The following DIP2C variants were observed in gnomAD, a reference collection of about 807,000 sequenced individuals.
DIP2C encodes DIP2 acetate--CoA ligase C (putative).
A neutral mutation model predicts 192.4 loss-of-function variants in DIP2C; 33 were observed. The ratio of observed to expected loss-of-function variants is 0.17; its 90% confidence interval spans 0.13 to 0.23. The LOEUF (loss-of-function observed/expected upper bound fraction) is 0.23, where lower values mean the gene tolerates loss of function less well. DIP2C is among the 10% of genes least tolerant of loss of function. The probability of loss-of-function intolerance (pLI) is 1.00; values close to 1 mark genes in which losing one functional copy is unlikely to be tolerated. For synonymous variants in DIP2C, 979 were observed against 864.1 expected, an observed-to-expected ratio of 1.13 and a Z score of -2.33; for missense variants, 1,537 against 2,110.1, an observed-to-expected ratio of 0.73 and a Z score of 5.32.
At chr10:306,988 G>C (rs768952595) in intron 32 of DIP2C, among the ~76,000 whole-genome samples, 6 of 152,136 alleles carry the variant, frequency 3.9e-5, no homozygotes, top group Non-Finnish European at 7.4e-5. Context: ...GCCTTCCCTG[G>C]GGGTGAGCAG....
At chr10:609,246 A>C (rs529015249) in intron 1 of DIP2C, among the ~76,000 whole-genome samples, 1 of 152,328 alleles carries the variant, frequency 6.6e-6, no homozygotes, top group African/African-American at 2.4e-5. Flanking sequence ...GAACTTTCCA[A>C]AAGTAAATTC....
At chr10:571,101 C>A (rs145712202) in intron 1 of DIP2C, among the ~76,000 whole-genome samples, 415 of 152,354 alleles carry the variant, frequency 2.7e-3, no homozygotes, top group African/African-American at 9.5e-3. Context: ...TGGCCGACTG[C>A]TCTGTAGAAT....
At chr10:400,674 A>G (rs1421228194) in intron 9 of DIP2C, among the ~76,000 whole-genome samples, 2 of 151,588 alleles carry the variant, frequency 1.3e-5, no homozygotes, top group South Asian at 4.2e-4. Context: ...CCTTATGGAC[A>G]AGTTTGGTAT....
chr10:518,505 T>C (rs1846503855), intron 1 of DIP2C, among the ~76,000 whole-genome samples: 1 of 152,022 alleles, frequency 6.6e-6, no homozygotes, highest in Non-Finnish European at 1.5e-5. Flanking sequence ...AGGTGATGAG[T>C]TCCCGAAGCT....
chr10:442,863 T>G (rs988996754), intron 3 of DIP2C, among the ~76,000 whole-genome samples: 3 of 152,272 alleles, frequency 2.0e-5, no homozygotes, highest in African/African-American at 7.2e-5. Context: ...TCCTATTTTA[T>G]GATCCAATCC....
intron 10 of DIP2C, among the ~76,000 whole-genome samples, chr10:396,333 A>G (rs1377567980): frequency 6.6e-6 from 1 of 152,202 alleles, no homozygotes; most frequent in African/African-American, 2.4e-5. Flanking sequence ...GCACTCCAAC[A>G]TGCTCAGGAA....
At chr10:664,223 C>G (rs1408045054) in intron 1 of DIP2C, 2 of 152,172 alleles carry the variant, frequency 1.3e-5, no homozygotes, top group Non-Finnish European at 2.9e-5. Context: ...CAGAAACTCC[C>G]ATCTGCCTTT....
chr10:599,286 T>C (rs1436141651), intron 1 of DIP2C, among the ~76,000 whole-genome samples: 20 of 152,186 alleles, frequency 1.3e-4, no homozygotes, highest in Admixed American at 1.3e-3. Flanking sequence ...AGACACCCAT[T>C]TAAATACCCG....
intron 1 of DIP2C, among the ~76,000 whole-genome samples, chr10:580,184 CGTAGT>C (rs1388794305): frequency 3.9e-5 from 6 of 152,028 alleles, no homozygotes; most frequent in East Asian, 1.9e-4. Context: ...CCTACACATG[CGTAGT>C]GTATACATAT....
At chr10:673,687 TA>T (rs1354786328) in intron 1 of DIP2C, among the ~76,000 whole-genome samples, 1 of 152,202 alleles carries the variant, frequency 6.6e-6, no homozygotes, top group Non-Finnish European at 1.5e-5. Context: ...GAAACCTGTA[TA>T]ACGCCACCAG....
chr10:570,286 T>G (rs972218408), intron 1 of DIP2C, among the ~76,000 whole-genome samples: 140 of 152,280 alleles, frequency 9.2e-4, no homozygotes, highest in African/African-American at 3.0e-3. Flanking sequence ...GATTTTGTCG[T>G]GCCCATTTTA....
At chr10:417,862 G>C (rs868860489) in intron 6 of DIP2C, among the ~76,000 whole-genome samples, 14 of 71,708 alleles carry the variant, frequency 2.0e-4, no homozygotes, top group African/African-American at 3.4e-4. Context: ...GTCAGAGCTC[G>C]GACAGGCCTC....
chr10:298,502 G>A (rs931859934), intron 32 of DIP2C, among the ~76,000 whole-genome samples: 1 of 152,216 alleles, frequency 6.6e-6, no homozygotes, highest in Non-Finnish European at 1.5e-5. Context: ...CCATGCCAGA[G>A]AGGAGAGGGT....
intron 3 of DIP2C, 67 bp from the exon 4 acceptor site, chr10:441,063 T>TC: frequency 6.5e-7 from 1 of 1,540,232 alleles, no homozygotes; most frequent in Non-Finnish European, 8.7e-7. Context: ...TGCACCCTCC[T>TC]CTCTGTCCCT....
At chr10:440,790 A>G (rs1967661715) in intron 4 of DIP2C, 81 bp downstream of exon 4, 1 of 1,504,968 alleles carries the variant, frequency 6.6e-7, no homozygotes, top group Non-Finnish European at 8.8e-7. Context: ...TTTGAAAGCA[A>G]AAACCCCTGA....
At chr10:559,294 C>T in intron 1 of DIP2C, among the ~76,000 whole-genome samples, 1 of 147,852 alleles carries the variant, frequency 6.8e-6, no homozygotes, top group East Asian at 2.0e-4. Context: ...AAGCCTCGGC[C>T]TGGAACAGCT....
At chr10:536,317 A>G (rs1847689430) in intron 1 of DIP2C, among the ~76,000 whole-genome samples, 4 of 152,232 alleles carry the variant, frequency 2.6e-5, no homozygotes, top group Non-Finnish European at 5.9e-5. Context: ...TATATCCAGG[A>G]TATCTCCTGA....
intron 4 of DIP2C, among the ~76,000 whole-genome samples, chr10:434,756 A>G (rs1340705580): frequency 6.6e-6 from 1 of 152,196 alleles, no homozygotes; most frequent in Non-Finnish European, 1.5e-5. Flanking sequence ...CTTCTAGGTT[A>G]ATGGCATTTT....
intron 36 of DIP2C, 59 bp from the exon 37 acceptor site, chr10:277,636 G>T: frequency 3.8e-6 from 6 of 1,584,562 alleles, no homozygotes; most frequent in Non-Finnish European, 4.3e-6. Context: ...TTTAATAGCC[G>T]TGGTTTCAAA....
Sources: allele counts gnomAD v4.1 joint callset (sites outside exome capture counted in the v4.1 genomes callset), GRCh38; gene constraint gnomAD v4.1.1; transcripts MANE v1.5; gene names NCBI Gene and HGNC (gene_info 2026-07-23, HGNC 2026-07-21).